The following BRWD3 variants were observed in gnomAD, a reference collection of about 807,000 sequenced individuals.
The protein encoded by BRWD3 is bromodomain and WD repeat domain containing 3.
In BRWD3, 10 loss-of-function variants were observed where a neutral mutation model predicts 149.7. The ratio of observed to expected loss-of-function variants is 0.07; its 90% CI spans 0.04 to 0.11. The LOEUF is 0.11. Among genes scored for constraint, BRWD3 ranks in the 10% least tolerant of loss-of-function variants. BRWD3 has a pLI of 1.00. For missense variants in BRWD3, 940 were observed against 1,373.2 expected (o/e 0.68, Z 4.99); for synonymous variants, 504 against 456.7 (o/e 1.10, Z -1.32).
intron 14 of BRWD3, among the ~76,000 whole-genome samples, chrX:80,727,580 A>G (rs1224158742): frequency 1.8e-5 from 2 of 111,537 alleles, no homozygotes; most frequent in Non-Finnish European, 3.8e-5. Context: ...ATGTAGAGGC[A>G]GGGAATAAAC....
At chrX:80,679,378 TAGTG>T (rs2072413064) in intron 40 of BRWD3, among the ~76,000 whole-genome samples, 1 of 112,323 alleles carries the variant, frequency 8.9e-6, no homozygotes, top group Non-Finnish European at 1.9e-5. Context: ...TTAACTAAAA[TAGTG>T]AGCACAGAAA....
rs953325451 is a variant in BRWD3, at chrX:80,673,163, G to A, written c.*3446C>T. 3.9e-4 allele frequency: 44 copies of A among 111,638 alleles called. No homozygotes were observed. The highest frequency in any genetic ancestry group is 1.2e-3 in the African/African-American group (38 of 30,728). The allele number at this position is 111,638 out of a possible 1,213,427, so 9.2% of individuals were successfully genotyped here. ...AGAAGGCTGAGTTAAATATCTGAGC[G>A]CACAGTTGTGCAGAATGAGATTTCT... On this transcript the variant is annotated 3_prime_UTR_variant, in exon 41 of 41. Transcript: ENST00000373275.
At chrX:80,765,252 G>C (rs1353495268) in intron 6 of BRWD3, among the ~76,000 whole-genome samples, 7 of 111,801 alleles carry the variant, frequency 6.3e-5, no homozygotes, top group Non-Finnish European at 1.1e-4. Flanking sequence ...TGAGTCAACA[G>C]GCAAAGAAGG....
chrX:80,713,663 C>G (rs182750390), intron 20 of BRWD3, among the ~76,000 whole-genome samples: 2 of 109,176 alleles, frequency 1.8e-5, no homozygotes, highest in African/African-American at 6.7e-5. Context: ...TCCCCCTCTG[C>G]GAGAGACACC....
chrX:80,749,033 A>C (rs889178649), intron 6 of BRWD3, among the ~76,000 whole-genome samples: 2 of 111,614 alleles, frequency 1.8e-5, no homozygotes, highest in Non-Finnish European at 3.8e-5. Flanking sequence ...TGTTATTTTT[A>C]GTCTCATGCC....
At chrX:80,740,722 A>G (rs1005867909) in intron 8 of BRWD3, among the ~76,000 whole-genome samples, 3 of 111,744 alleles carry the variant, frequency 2.7e-5, no homozygotes, top group African/African-American at 9.8e-5. Context: ...GCACTCCAGC[A>G]TGGGTGACAA....
At chrX:80,732,543 A>G (rs2073347618) in intron 12 of BRWD3, among the ~76,000 whole-genome samples, 1 of 111,153 alleles carries the variant, frequency 9.0e-6, no homozygotes, top group Admixed American at 9.6e-5. Context: ...GGGGAAAAAA[A>G]GAAAGGACAG....
In BRWD3 at chrX:80,676,300, T is replaced by C. The variant is rs1308687124; in HGVS notation, c.*309A>G. The stretch of plus-strand genomic sequence containing the variant: ...CTTAAGAAGCTGAATGCTCCTTTAA[T>C]GTAGTAAATCTGTAGTGTCTGTGTT... On this transcript the variant is annotated 3_prime_UTR_variant, in exon 41 of 41. Transcript: ENST00000373275. The C allele has an allele frequency of 1.6e-5, 5 of 304,052 alleles. No homozygotes were observed. The highest frequency in any genetic ancestry group is 7.7e-5 in the South Asian group (1 of 13,059). The allele number at this position is 304,052 out of a possible 1,213,427, so 25.1% of individuals were successfully genotyped here.
At chrX:80,714,570 C>T (rs1214774650) in intron 20 of BRWD3, among the ~76,000 whole-genome samples, 1 of 111,701 alleles carries the variant, frequency 9.0e-6, no homozygotes, top group African/African-American at 3.3e-5. Context: ...GTACATTTTA[C>T]ATCTATTGAT....
At chrX:80,809,337 G>C (rs754904728) in intron 1 of BRWD3, 33 bp from the exon 2 acceptor site, 1 of 1,172,029 alleles carries the variant, frequency 8.5e-7, no homozygotes, top group Non-Finnish European at 1.1e-6. Flanking sequence ...GGTTCAGAGG[G>C]AGGTAGAGAA....
In BRWD3 at chrX:80,685,544, G is replaced by A. The variant is rs2072509272; in HGVS notation, c.4006-8C>T. 8.5e-7 allele frequency: 1 copy of A among 1,182,530 alleles called. No homozygotes were observed. Among genetic ancestry groups the A allele is most frequent in the Admixed American group, 2.2e-5 (1 of 45,738 alleles). ...CTCTTGCTCCTGATGACCCTATTAG[G>A]GTGAAGAACATATACTGGTTTCCAG... On this transcript the variant is annotated splice_region_variant and splice_polypyrimidine_tract_variant and intron_variant, in intron 35 of 40. Transcript: ENST00000373275.
Position 80,676,416 on chromosome X carries a change from G to A in BRWD3, c.*193C>T. On this transcript the variant is annotated 3_prime_UTR_variant, in exon 41 of 41. Transcript: ENST00000373275. Reference sequence around the variant, plus strand: ...AATTTCTTTTAATTTAAGGCCTAATGAGTAAGGCTTATTTGAACAAATGAA... The same window carrying A: ...AATTTCTTTTAATTTAAGGCCTAATAAGTAAGGCTTATTTGAACAAATGAA... 5 of 514,268 alleles carry A rather than the reference G, an allele frequency of 9.7e-6. No individual in the cohort carries two copies. The South Asian group carries it at 1.7e-4, about 17-fold the overall frequency. 42.4% of individuals were successfully genotyped at this position (514,268 alleles called of 1,213,427 possible). A position where few individuals can be genotyped will look rare whatever the true frequency, so the allele number is the denominator to read the frequency against.
At position 80,676,520 on chromosome X, in the gene BRWD3, C is replaced by T; in HGVS notation, c.*89G>A. The stretch of plus-strand genomic sequence containing the variant: ...ACCAATGTGAAAGGAAGCAGAAGTC[C>T]CCACACAACTTGCTTTGTAGATTTC... On this transcript the variant is annotated 3_prime_UTR_variant, in exon 41 of 41. Transcript: ENST00000373275. 4 of 1,076,202 alleles carry T rather than the reference C, an allele frequency of 3.7e-6. No homozygotes were observed. Among genetic ancestry groups the T allele is most frequent in the South Asian group, 2.0e-5 (1 of 50,625 alleles). The allele number at this position is 1,076,202 out of a possible 1,213,427, so 88.7% of individuals were successfully genotyped here.
In BRWD3 at chrX:80,703,442, A is replaced by AGGCTC. The variant is rs747554283; in HGVS notation, c.2835+33_2835+37dup. ...AGACTGATTAAAGTTAGTGCTCTTG[A>AGGCTC]GGCTCCACAGAAAAAGGTTATAACA... On this transcript the variant is annotated intron_variant, in intron 24 of 40. Coordinates refer to ENST00000373275, the MANE Select transcript of BRWD3 (RefSeq NM_153252.5). 4.1e-5 allele frequency: 38 copies of AGGCTC among 935,587 alleles called. No homozygotes were observed. In the East Asian group the frequency reaches 9.7e-4, roughly 24 times the overall value. 77.1% of individuals were successfully genotyped at this position (935,587 alleles called of 1,213,427 possible).
chrX:80,703,637 C>T lies in BRWD3; in HGVS notation c.2722-44G>A, dbSNP rs745956867. ...AAAAGTATATGTATAAAACACAGTTCTCCAATACATAAAACACATAAACAA... is the reference window on the plus strand; with the variant it reads ...AAAAGTATATGTATAAAACACAGTTTTCCAATACATAAAACACATAAACAA... On this transcript the variant is annotated intron_variant, in intron 23 of 40. Transcript: ENST00000373275. The T allele has an allele frequency of 8.6e-6, 8 of 925,801 alleles. No individual in the cohort carries two copies. The South Asian group carries it at 1.7e-4, about 20-fold the overall frequency. The allele number at this position is 925,801 out of a possible 1,213,427, so 76.3% of individuals were successfully genotyped here.
intron 6 of BRWD3, among the ~76,000 whole-genome samples, chrX:80,750,954 T>C (rs2073658792): frequency 1.8e-5 from 2 of 110,409 alleles, no homozygotes; most frequent in Admixed American, 1.9e-4. Flanking sequence ...CACAACAACT[T>C]GGATGAAATT....
At chrX:80,775,599 T>C (rs987236657) in intron 6 of BRWD3, among the ~76,000 whole-genome samples, 2 of 111,979 alleles carry the variant, frequency 1.8e-5, no homozygotes, top group African/African-American at 6.5e-5. Flanking sequence ...CAAGAGGTTC[T>C]ATCATGACAA....
chrX:80,682,294 C>A (rs932133698), intron 38 of BRWD3, among the ~76,000 whole-genome samples, 171 bp downstream of exon 38: 1 of 111,239 alleles, frequency 9.0e-6, no homozygotes, highest in Non-Finnish European at 1.9e-5. Flanking sequence ...GATAGTAAAA[C>A]CCACATAAAT....
intron 4 of BRWD3, among the ~76,000 whole-genome samples, chrX:80,798,780 T>C (rs1015736193): frequency 5.4e-5 from 6 of 111,616 alleles, no homozygotes; most frequent in Admixed American, 9.6e-5. Context: ...CAAAAAAGGT[T>C]TTTGTTAAGA....
Sources: gnomAD v4.1 joint callset for allele counts (sites outside exome capture counted in the v4.1 genomes callset) on GRCh38, gnomAD v4.1.1 for gene constraint, MANE v1.5 for transcripts, NCBI Gene and HGNC (gene_info 2026-07-23, HGNC 2026-07-21) for gene names.